Variants in PTPRT observed in about 807,000 individuals in gnomAD.
PTPRT encodes receptor-type tyrosine-protein phosphatase T.
PTPRT carries 56 observed loss-of-function variants against 176.8 expected under a neutral mutation model. That is an observed-to-expected ratio of 0.32 (90% confidence interval 0.26 to 0.40). PTPRT has a LOEUF of 0.40. PTPRT is among the 10% of genes least tolerant of loss of function. The probability of loss-of-function intolerance (pLI) is 1.00; values close to 1 mark genes in which losing one functional copy is unlikely to be tolerated. For synonymous variants in PTPRT, 783 were observed against 739.0 expected, an observed-to-expected ratio of 1.06 and a Z score of -0.96; for missense variants, 1,540 against 1,908.2, an observed-to-expected ratio of 0.81 and a Z score of 3.60.
chr20:42,927,569 G>A (rs1979568377), intron 1 of PTPRT, among the ~76,000 whole-genome samples: 1 of 151,476 alleles, frequency 6.6e-6, no homozygotes, highest in Non-Finnish European at 1.5e-5. Context: ...TCAAAAAGAA[G>A]AAAGAAAAGC....
chr20:42,425,675 T>C (rs1471484390), intron 9 of PTPRT, among the ~76,000 whole-genome samples: 1 of 152,202 alleles, frequency 6.6e-6, no homozygotes, highest in Non-Finnish European at 1.5e-5. Context: ...GTTAATTAGA[T>C]TGATTGTGGT....
At position 42,677,857 on chromosome 20, in the gene PTPRT, A is replaced by AAG; in HGVS notation, c.1153+8_1153+9insCT. ...TCATAATGGAGCCTGGGAAAAAAAA[A>AAG]AATCTTACCTGCACACTTGGTCCTG... On this transcript the variant is annotated intron_variant, in intron 7 of 30. Transcript: ENST00000373187. 1 of 1,597,626 alleles carries AAG rather than the reference A, an allele frequency of 6.3e-7. No individual in the cohort carries two copies. Among genetic ancestry groups the AAG allele is most frequent in the Non-Finnish European group, 8.5e-7 (1 of 1,171,790 alleles).
At chr20:42,718,948 T>C (rs962448407) in intron 6 of PTPRT, among the ~76,000 whole-genome samples, 1 of 152,192 alleles carries the variant, frequency 6.6e-6, no homozygotes, top group Non-Finnish European at 1.5e-5. Context: ...GAAAGATACA[T>C]AGTCAAGAAA....
chr20:42,999,492 A>G (rs992098972), intron 1 of PTPRT, among the ~76,000 whole-genome samples: 1 of 152,170 alleles, frequency 6.6e-6, no homozygotes, highest in Non-Finnish European at 1.5e-5. Context: ...GGTCAGGCTC[A>G]TGAGTGTAAT....
chr20:42,924,260 A>G (rs73099988), intron 1 of PTPRT, among the ~76,000 whole-genome samples: 18,579 of 152,230 alleles, frequency 0.12, 1,558 homozygotes, highest in Non-Finnish European at 0.18. Context: ...AAATTATAGC[A>G]TGTGCTACAA....
chr20:42,105,588 A>AGAG (rs1443754173), intron 24 of PTPRT, among the ~76,000 whole-genome samples: 1 of 152,184 alleles, frequency 6.6e-6, no homozygotes, highest in Non-Finnish European at 1.5e-5. Context: ...TTCTCTATAA[A>AGAG]GAGTACTTTT....
intron 7 of PTPRT, among the ~76,000 whole-genome samples, chr20:42,579,090 G>C (rs1286632925): frequency 2.4e-5 from 3 of 126,264 alleles, no homozygotes; most frequent in African/African-American, 9.5e-5. Flanking sequence ...CCTGGTGTGT[G>C]ATGTTCCCCT....
chr20:42,534,433 A>G (rs1296738727), intron 7 of PTPRT, among the ~76,000 whole-genome samples: 2 of 152,070 alleles, frequency 1.3e-5, no homozygotes, highest in African/African-American at 4.8e-5. Context: ...AGAGATCGAG[A>G]TCATCCTGGC....
chr20:42,047,576 A>G, the PTPRT span, among the ~76,000 whole-genome samples: 1 of 152,210 alleles, frequency 6.6e-6, no homozygotes, highest in Non-Finnish European at 1.5e-5. Flanking sequence ...TCATACCTGA[A>G]TTTAAATACT....
At chr20:43,158,483 A>G (rs185049891) in intron 1 of PTPRT, among the ~76,000 whole-genome samples, 1 of 152,368 alleles carries the variant, frequency 6.6e-6, no homozygotes, top group African/African-American at 2.4e-5. Flanking sequence ...TGCAATATTT[A>G]CCAACAAAGA....
At chr20:42,667,462 A>G (rs2146026146) in intron 7 of PTPRT, among the ~76,000 whole-genome samples, 1 of 152,320 alleles carries the variant, frequency 6.6e-6, no homozygotes, top group East Asian at 1.9e-4. Flanking sequence ...CACTTTCTTT[A>G]CATTGTCATC....
Position 43,021,732 on chromosome 20 carries a change from C to T in PTPRT, c.89-135800G>A, listed in dbSNP as rs553153368. 2.0e-5 allele frequency among the ~76,000 whole-genome samples: 3 copies of T among 151,094 alleles called. No homozygotes were observed. In the East Asian group the frequency reaches 5.8e-4, roughly 29 times the overall value. ...TGTAAATATTAACACCTGCACTCAA[C>T]TGTAACAGAAACCAAATTAAATTAA... On this transcript the variant is annotated intron_variant, in intron 1 of 30. Coordinates refer to ENST00000373187, the MANE Select transcript of PTPRT (RefSeq NM_007050.6).
intron 27 of PTPRT, among the ~76,000 whole-genome samples, chr20:42,086,726 CAAAAAAAAAAAAAAA>C (rs367948746): frequency 7.3e-5 from 6 of 82,202 alleles, no homozygotes; most frequent in East Asian, 4.1e-4. Flanking sequence ...GACTCCATCT[CAAAAAAAAAAAAAAA>C]AAAAAAAAAA....
intron 6 of PTPRT, among the ~76,000 whole-genome samples, chr20:42,734,505 T>C (rs2076508645): frequency 6.6e-6 from 1 of 152,106 alleles, no homozygotes; most frequent in African/African-American, 2.4e-5. Context: ...AGACTTAGCA[T>C]TATAGAAGGG....
chr20:42,434,356 A>G (rs1453224811), intron 9 of PTPRT, among the ~76,000 whole-genome samples: 2 of 152,140 alleles, frequency 1.3e-5, no homozygotes, highest in Non-Finnish European at 2.9e-5. Context: ...TATTTATTGA[A>G]CCCTATTTTG....
intron 9 of PTPRT, among the ~76,000 whole-genome samples, chr20:42,421,325 AG>A (rs148346882): frequency 0.042 from 6,412 of 152,106 alleles, 251 homozygotes; most frequent in East Asian, 0.12. Context: ...CAAGTGCAGC[AG>A]GTTGGGTGGC....
At chr20:42,630,458 C>T (rs188568819) in intron 7 of PTPRT, among the ~76,000 whole-genome samples, 31 of 152,230 alleles carry the variant, frequency 2.0e-4, no homozygotes, top group African/African-American at 7.2e-4. Context: ...GAAAGAGCCA[C>T]ACACCACCAC....
chr20:42,540,052 C>G (rs951246301), intron 7 of PTPRT, among the ~76,000 whole-genome samples: 1 of 152,108 alleles, frequency 6.6e-6, no homozygotes, highest in Non-Finnish European at 1.5e-5. Context: ...AACAGCCCAC[C>G]ATGTGCTCAA....
intron 17 of PTPRT, among the ~76,000 whole-genome samples, chr20:42,160,691 ACT>A (rs1057162706): frequency 1.4e-4 from 22 of 152,320 alleles, no homozygotes; most frequent in African/African-American, 5.1e-4. Context: ...CCTGTCCTTT[ACT>A]GCAGTCCTTC....
Sources: gnomAD v4.1 joint callset for allele counts (sites outside exome capture counted in the v4.1 genomes callset) on GRCh38, gnomAD v4.1.1 for gene constraint, MANE v1.5 for transcripts, NCBI Gene and HGNC (gene_info 2026-07-23, HGNC 2026-07-21) for gene names.